The following MYO3B variants were observed in gnomAD, a reference collection of about 807,000 sequenced individuals.
MYO3B encodes myosin-IIIb.
MYO3B carries 156 observed loss-of-function variants against 174.6 expected under a neutral mutation model. That is an observed-to-expected ratio of 0.89 (90% CI 0.78 to 1.02). The LOEUF is 1.02. MYO3B is among the 50% of genes least tolerant of loss of function. The pLI, the probability that MYO3B is intolerant of heterozygous loss-of-function variation, is 0.00. For missense variants in MYO3B, 1,632 were observed against 1,639.4 expected (o/e 1.00, Z 0.08); for synonymous variants, 563 against 569.1 (o/e 0.99, Z 0.15).
intron 32 of MYO3B, among the ~76,000 whole-genome samples, chr2:170,613,926 C>T (rs1255808253): frequency 1.3e-5 from 2 of 152,106 alleles, no homozygotes; most frequent in Non-Finnish European, 2.9e-5. Flanking sequence ...ACCTTGTGAT[C>T]ATGTAAGTTA....
chr2:170,300,018 G>C (rs994017045), intron 7 of MYO3B, among the ~76,000 whole-genome samples: 2 of 152,138 alleles, frequency 1.3e-5, no homozygotes, highest in African/African-American at 4.8e-5. Flanking sequence ...CTATTGTTTT[G>C]AGCTTGCAGC....
At chr2:170,357,881 A>C (rs2094134193) in intron 8 of MYO3B, among the ~76,000 whole-genome samples, 1 of 152,206 alleles carries the variant, frequency 6.6e-6, no homozygotes, top group Non-Finnish European at 1.5e-5. Flanking sequence ...AGCTGGGCGC[A>C]GTGGCTCACG....
chr2:170,482,457 A>G (rs903401998), intron 25 of MYO3B, among the ~76,000 whole-genome samples: 16 of 152,144 alleles, frequency 1.1e-4, no homozygotes, highest in African/African-American at 3.9e-4. Context: ...GCCCGGCCCA[A>G]GCTCTCTCTT....
At chr2:170,598,367 G>GGCACCATCAA (rs1694281369) in intron 32 of MYO3B, among the ~76,000 whole-genome samples, 1 of 152,232 alleles carries the variant, frequency 6.6e-6, no homozygotes, top group Non-Finnish European at 1.5e-5. Flanking sequence ...CACAGTGCTT[G>GGCACCATCAA]GCACCATGGC....
At chr2:170,238,698 A>T (rs1365862557) in intron 7 of MYO3B, among the ~76,000 whole-genome samples, 1 of 41,618 alleles carries the variant, frequency 2.4e-5, no homozygotes, top group African/African-American at 5.9e-5. Flanking sequence ...TTCACAAGTT[A>T]AAAAAAGATT....
At chr2:170,598,911 T>C (rs1230541456) in intron 32 of MYO3B, among the ~76,000 whole-genome samples, 1 of 152,240 alleles carries the variant, frequency 6.6e-6, no homozygotes, top group Admixed American at 6.5e-5. Flanking sequence ...TTAACCATTA[T>C]TGTAATTCTA....
At chr2:170,501,935 A>G in intron 28 of MYO3B, 70 bp downstream of exon 28, 1 of 1,093,940 alleles carries the variant, frequency 9.1e-7, no homozygotes. Context: ...GAATGTAGAA[A>G]AGCTGAAAGG....
intron 7 of MYO3B, among the ~76,000 whole-genome samples, chr2:170,244,579 G>A (rs967441759): frequency 3.3e-5 from 5 of 152,194 alleles, no homozygotes; most frequent in Non-Finnish European, 1.5e-5. Flanking sequence ...AGTAGAAAAG[G>A]GAGAATGTGC....
intron 30 of MYO3B, among the ~76,000 whole-genome samples, chr2:170,523,748 C>G (rs1688823650): frequency 1.3e-5 from 2 of 152,142 alleles, no homozygotes; most frequent in Non-Finnish European, 2.9e-5. Context: ...TCTTTACATG[C>G]CAATGTCTGG....
chr2:170,294,982 G>A (rs537508038), intron 7 of MYO3B, among the ~76,000 whole-genome samples: 1 of 152,092 alleles, frequency 6.6e-6, no homozygotes, highest in South Asian at 2.1e-4. Context: ...TCACCATGCT[G>A]ATTGTTAATT....
rs766981591 is a variant in MYO3B, at chr2:170,217,274, A to T, written c.527-45A>T. 7.1e-6 allele frequency: 11 copies of T among 1,556,764 alleles called. No individual in the cohort carries two copies. In the Admixed American group the frequency reaches 1.8e-4, roughly 26 times the overall value. On this transcript the variant is annotated intron_variant, in intron 5 of 34. Transcript: ENST00000408978. ...AAAGTCTGCCGATTGCTGGTCTAGC[A>T]TCATACTTTGCTCACTTTTGAATTC...
At chr2:170,230,336 A>ATTTTTTTTTTTTT (rs60171555) in intron 6 of MYO3B, among the ~76,000 whole-genome samples, 6 of 64,720 alleles carry the variant, frequency 9.3e-5, no homozygotes, top group African/African-American at 3.4e-4. Flanking sequence ...CGCCTGGCTA[A>ATTTTTTTTTTTTT]TTTTTTTTTT....
chr2:170,522,428 G>A lies in MYO3B; in HGVS notation c.3575+2888G>A, dbSNP rs149549637. On this transcript the variant is annotated intron_variant, in intron 30 of 34. Transcript: ENST00000408978. ...TACCTCTCACTTAATCTCACTTCCA[G>A]TCATTTTCCAAATACTCTTTCCTGG... Among the ~76,000 whole-genome samples, 982 of 152,238 alleles carry A rather than the reference G, an allele frequency of 6.5e-3. 7 individuals carry two copies. The highest frequency in any genetic ancestry group is 0.02 in the African/African-American group (850 of 41,532).
chr2:170,651,860 C>T (rs558383956), intron 33 of MYO3B, 126 bp downstream of exon 33: 274 of 612,338 alleles, frequency 4.5e-4, no homozygotes, highest in Non-Finnish European at 6.5e-4. Flanking sequence ...TGAACATGTG[C>T]TTAGGCTCTT....
chr2:170,629,763 T>C (rs1479063567), intron 32 of MYO3B, among the ~76,000 whole-genome samples: 1 of 152,122 alleles, frequency 6.6e-6, no homozygotes, highest in Non-Finnish European at 1.5e-5. Flanking sequence ...GACAGGAGAA[T>C]CACTTGAACC....
intron 8 of MYO3B, among the ~76,000 whole-genome samples, chr2:170,347,275 T>C (rs1405087556): frequency 6.6e-6 from 1 of 152,120 alleles, no homozygotes; most frequent in Non-Finnish European, 1.5e-5. Flanking sequence ...ATGAAGTAGG[T>C]CACTACTCAG....
intron 22 of MYO3B, among the ~76,000 whole-genome samples, chr2:170,440,453 C>A (rs751602674): frequency 5.3e-5 from 8 of 152,168 alleles, no homozygotes; most frequent in South Asian, 2.1e-4. Context: ...TTTAATTTCT[C>A]CCAGCAATGT....
intron 22 of MYO3B, among the ~76,000 whole-genome samples, chr2:170,429,354 C>T (rs1288820861): frequency 6.6e-6 from 1 of 152,134 alleles, no homozygotes; most frequent in African/African-American, 2.4e-5. Flanking sequence ...CCAAACCATC[C>T]ACCTTTGGCC....
At position 170,391,625 on chromosome 2, in the gene MYO3B, G is replaced by T. The variant is rs949047031; in HGVS notation, c.1676+7G>T. ...CTGAGGAAAAACCTCCTAGGTAAGT[G>T]TCAGGGGGGTTGGTTGTTAATTTTT... On this transcript the variant is annotated splice_region_variant and intron_variant, in intron 15 of 34. Transcript: ENST00000408978. 1 of 1,497,986 alleles carries T rather than the reference G, an allele frequency of 6.7e-7. No homozygotes were observed. The highest frequency in any genetic ancestry group is 9.1e-7 in the Non-Finnish European group (1 of 1,100,942). 92.8% of individuals were successfully genotyped at this position (1,497,986 alleles called of 1,614,324 possible). A position where few individuals can be genotyped will look rare whatever the true frequency, so the allele number is the denominator to read the frequency against.
Sources: gnomAD v4.1 joint callset for allele counts (sites outside exome capture counted in the v4.1 genomes callset) on GRCh38, gnomAD v4.1.1 for gene constraint, MANE v1.5 for transcripts, NCBI Gene and HGNC (gene_info 2026-07-23, HGNC 2026-07-21) for gene names.